Variants in HSF2BP observed in about 807,000 individuals in gnomAD.
HSF2BP encodes the protein heat shock transcription factor 2 binding protein, also known as heat shock factor 2-binding protein.
Under a neutral mutation model 35.0 loss-of-function variants are expected in HSF2BP, and 35 were observed. The observed-to-expected ratio is 1.00, with a 90% confidence interval of 0.76 to 1.32. The LOEUF is 1.32. HSF2BP is among the 40% of genes most tolerant of loss of function. The probability of loss-of-function intolerance (pLI) is 0.00; values close to 1 mark genes in which losing one functional copy is unlikely to be tolerated. For missense variants in HSF2BP, 326 were observed against 321.7 expected, an observed-to-expected ratio of 1.01 and a Z score of -0.10; for synonymous variants, 114 against 117.4, an observed-to-expected ratio of 0.97 and a Z score of 0.18.
intron 3 of HSF2BP, among the ~76,000 whole-genome samples, chr21:43,654,038 C>G (rs930498515): frequency 6.6e-6 from 1 of 151,842 alleles, no homozygotes; most frequent in Admixed American, 6.6e-5. Flanking sequence ...CAGCTTGCAC[C>G]GAGAAAGCAA....
At chr21:43,630,577 A>T in intron 5 of HSF2BP, 123 bp from the exon 6 acceptor site, 4 of 1,234,150 alleles carry the variant, frequency 3.2e-6, no homozygotes, top group African/African-American at 3.1e-5. Flanking sequence ...CTATTCCCTC[A>T]TTAAAAGTTC....
At chr21:43,606,754 A>C (rs2082140053) in intron 7 of HSF2BP, among the ~76,000 whole-genome samples, 1 of 152,216 alleles carries the variant, frequency 6.6e-6, no homozygotes. Context: ...TGAACAAGGG[A>C]AATGCCTGGA....
At chr21:43,606,663 G>C (rs2082138901) in intron 7 of HSF2BP, among the ~76,000 whole-genome samples, 1 of 152,168 alleles carries the variant, frequency 6.6e-6, no homozygotes, top group South Asian at 2.1e-4. Flanking sequence ...TTAGATTGTT[G>C]AATGAATCAC....
chr21:43,629,197 T>C (rs1442472998), intron 6 of HSF2BP, among the ~76,000 whole-genome samples: 1 of 152,230 alleles, frequency 6.6e-6, no homozygotes, highest in Non-Finnish European at 1.5e-5. Context: ...TAGACAGTGA[T>C]TCCTCTGATG....
At chr21:43,622,706 T>C (rs1222325704) in intron 6 of HSF2BP, among the ~76,000 whole-genome samples, 2 of 152,084 alleles carry the variant, frequency 1.3e-5, no homozygotes, top group Non-Finnish European at 2.9e-5. Context: ...AGAAATTGAC[T>C]GCAGTACAAT....
intron 7 of HSF2BP, chr21:43,609,888 G>A (rs976194964): frequency 2.6e-5 from 4 of 152,368 alleles, no homozygotes. Context: ...GAATGGCTCT[G>A]AAGGCAATTC....
the HSF2BP span, among the ~76,000 whole-genome samples, chr21:43,468,173 A>ACACACCAACCAC: frequency 0.17 from 1 of 6 alleles, no homozygotes; most frequent in Non-Finnish European, 0.17. Context: ...NNNNNNNNCT[A>ACACACCAACCAC]CACATCACAC....
intron 4 of HSF2BP, among the ~76,000 whole-genome samples, chr21:43,643,509 T>C (rs1290569267): frequency 6.6e-6 from 1 of 152,140 alleles, no homozygotes; most frequent in Non-Finnish European, 1.5e-5. Context: ...TCAGTTTCTC[T>C]CTCTTGCTTT....
At chr21:43,612,877 A>G (rs1490497769) in intron 7 of HSF2BP, among the ~76,000 whole-genome samples, 1 of 152,194 alleles carries the variant, frequency 6.6e-6, no homozygotes, top group East Asian at 1.9e-4. Context: ...TGTGAGTGGC[A>G]GAATCCTACA....
intron 7 of HSF2BP, among the ~76,000 whole-genome samples, chr21:43,606,211 A>G (rs2082133539): frequency 6.6e-6 from 1 of 152,120 alleles, no homozygotes; most frequent in South Asian, 2.1e-4. Context: ...GAGAAAGGAC[A>G]TAGAAGAGGA....
At chr21:43,618,726 G>A (rs1412539259) in intron 6 of HSF2BP, among the ~76,000 whole-genome samples, 2 of 151,602 alleles carry the variant, frequency 1.3e-5, no homozygotes, top group African/African-American at 4.8e-5. Context: ...CACGAGGTCA[G>A]GAGATCAAGA....
At chr21:43,646,892 A>G (rs2082716075) in intron 3 of HSF2BP, among the ~76,000 whole-genome samples, 1 of 152,106 alleles carries the variant, frequency 6.6e-6, no homozygotes, top group Non-Finnish European at 1.5e-5. Flanking sequence ...CTGACCTTGC[A>G]TTTTCAACTT....
intron 8 of HSF2BP, among the ~76,000 whole-genome samples, chr21:43,573,207 G>C (rs1027739062): frequency 6.6e-6 from 1 of 152,212 alleles, no homozygotes; most frequent in Non-Finnish European, 1.5e-5. Flanking sequence ...TTTGACCACA[G>C]AAGAGCCACC....
chr21:43,630,570 T>G, intron 5 of HSF2BP, 116 bp from the exon 6 acceptor site: 1 of 1,283,510 alleles, frequency 7.8e-7, no homozygotes, highest in Non-Finnish European at 1.0e-6. Flanking sequence ...GTAAAATCTA[T>G]TCCCTCATTA....
At chr21:43,627,394 C>G (rs1489576792) in intron 6 of HSF2BP, among the ~76,000 whole-genome samples, 6 of 152,182 alleles carry the variant, frequency 3.9e-5, no homozygotes, top group South Asian at 4.1e-4. Context: ...GCTAGCCAGA[C>G]AGTAAAATTA....
intron 8 of HSF2BP, among the ~76,000 whole-genome samples, chr21:43,584,234 T>C (rs1324213150): frequency 3.3e-5 from 5 of 152,034 alleles, no homozygotes; most frequent in East Asian, 1.9e-4. Context: ...GAAGACCTGA[T>C]GAGGGAGATG....
the HSF2BP span, among the ~76,000 whole-genome samples, chr21:43,507,209 T>C: frequency 9.4e-5 from 12 of 127,020 alleles, 2 homozygotes; most frequent in Middle Eastern, 3.7e-3. Context: ...GAAAACCCAA[T>C]TCCCCCTGAG....
At chr21:43,507,135 CCT>C in the HSF2BP span, among the ~76,000 whole-genome samples, 6 of 130,576 alleles carry the variant, frequency 4.6e-5, no homozygotes, top group East Asian at 1.2e-3. Context: ...TTAAAACGCC[CCT>C]GTGAGACTGG....
intron 8 of HSF2BP, among the ~76,000 whole-genome samples, chr21:43,573,416 C>T (rs1228082279): frequency 1.3e-5 from 2 of 152,152 alleles, no homozygotes; most frequent in Non-Finnish European, 2.9e-5. Flanking sequence ...CTAGGAAAAC[C>T]CACAGACTTA....
Sources: allele counts gnomAD v4.1 joint callset (sites outside exome capture counted in the v4.1 genomes callset), GRCh38; gene constraint gnomAD v4.1.1; transcripts MANE v1.5; gene names NCBI Gene and HGNC (gene_info 2026-07-23, HGNC 2026-07-21).